IFT81: variants seen among roughly 807,000 people sequenced by gnomAD.
The protein encoded by IFT81 is intraflagellar transport protein 81 homolog.
A neutral mutation model predicts 102.6 loss-of-function variants in IFT81; 72 were observed. That is an observed-to-expected ratio of 0.70 (90% CI 0.58 to 0.85). The LOEUF (loss-of-function observed/expected upper bound fraction) is 0.85, where lower values mean the gene tolerates loss of function less well. Ranked by LOEUF, IFT81 falls within the 40% of genes least tolerant of loss-of-function variation. IFT81 has a pLI of 0.00. For missense variants in IFT81, 723 were observed against 787.3 expected (o/e 0.92, Z 0.98); for synonymous variants, 237 against 242.7 (o/e 0.98, Z 0.22).
chr12:110,197,594 ACAAAGTCT>A (rs1446608550), intron 14 of IFT81, among the ~76,000 whole-genome samples: 1 of 142,954 alleles, frequency 7.0e-6, no homozygotes, highest in African/African-American at 2.6e-5. Context: ...ACCTCACTTA[ACAAAGTCT>A]AAAGTTGTTA....
chr12:110,215,728 C>A (rs1231554392), intron 18 of IFT81, among the ~76,000 whole-genome samples: 1 of 151,790 alleles, frequency 6.6e-6, no homozygotes, highest in Non-Finnish European at 1.5e-5. Context: ...CTTATTGTCT[C>A]TGACTTTGTG....
chr12:110,207,017 A>G (rs1368947475), intron 17 of IFT81, among the ~76,000 whole-genome samples: 2 of 151,990 alleles, frequency 1.3e-5, no homozygotes, highest in Non-Finnish European at 2.9e-5. Flanking sequence ...TCATTTTCTG[A>G]TCTGTCTTCT....
At position 110,132,544 on chromosome 12, in the gene IFT81, T is replaced by C. The variant is rs747849825; in HGVS notation, c.430-3T>C. 2 of 1,294,982 alleles carry C rather than the reference T, an allele frequency of 1.5e-6. No individual in the cohort carries two copies. The highest frequency in any genetic ancestry group is 2.2e-6 in the Non-Finnish European group (2 of 914,724). 80.2% of individuals were successfully genotyped at this position (1,294,982 alleles called of 1,614,324 possible). On this transcript the variant is annotated splice_region_variant and splice_polypyrimidine_tract_variant and intron_variant, in intron 4 of 18. Transcript: ENST00000242591. ...TTTATAATTTCTTAACTTATTCTTC[T>C]AGTATGAAGAGTTAATGGAAGCCTT... is the stretch of plus-strand genomic sequence containing the variant.
At chr12:110,127,592 T>C in intron 2 of IFT81, 68 bp downstream of exon 2, 1 of 1,392,956 alleles carries the variant, frequency 7.2e-7, no homozygotes, top group Non-Finnish European at 9.6e-7. Flanking sequence ...TAGCTGTGAG[T>C]CTTGGGCACA....
chr12:110,137,435 T>A (rs181003876), intron 8 of IFT81, among the ~76,000 whole-genome samples: 101 of 152,168 alleles, frequency 6.6e-4, no homozygotes, highest in African/African-American at 2.3e-3. Flanking sequence ...TTTGTGCTTG[T>A]ATAAAGGACT....
chr12:110,179,759 T>C lies in IFT81; in HGVS notation c.1189-663T>C, dbSNP rs1221976834. Among the ~76,000 whole-genome samples, 351 of 64,880 alleles carry C rather than the reference T, an allele frequency of 5.4e-3. 10 individuals carry two copies. Among genetic ancestry groups the C allele is most frequent in the African/African-American group, 0.026 (318 of 12,304 alleles). 42.6% of individuals were successfully genotyped at this position (64,880 alleles called of 152,430 possible). On this transcript the variant is annotated intron_variant, in intron 11 of 18. Coordinates refer to ENST00000242591, the MANE Select transcript of IFT81 (RefSeq NM_014055.4). The stretch of plus-strand genomic sequence containing the variant: ...ATATATATATATATATATATATATA[T>C]ATATATATATATATACACACACACA...
chr12:110,208,993 G>A (rs1869055101), intron 17 of IFT81, among the ~76,000 whole-genome samples, 178 bp from the exon 18 acceptor site: 1 of 151,812 alleles, frequency 6.6e-6, no homozygotes, highest in Non-Finnish European at 1.5e-5. Context: ...CTATTTACTT[G>A]AAGAACTAAC....
intron 11 of IFT81, among the ~76,000 whole-genome samples, chr12:110,164,029 G>A (rs992678543): frequency 3.3e-5 from 5 of 152,078 alleles, no homozygotes; most frequent in Non-Finnish European, 7.4e-5. Context: ...ATCTATATTT[G>A]TTGGTAAATG....
intron 18 of IFT81, chr12:110,216,439 C>T (rs897646099): frequency 1.1e-5 from 5 of 450,094 alleles, no homozygotes; most frequent in Non-Finnish European, 2.2e-5. Context: ...AAGCAATCCT[C>T]CTGCCTTGGC....
In IFT81 at chr12:110,209,233, AT is replaced by A; in HGVS notation, c.1848+24del. 1.5e-6 allele frequency: 2 copies of A among 1,339,030 alleles called. No homozygotes were observed. Among genetic ancestry groups the A allele is most frequent in the South Asian group, 1.2e-5 (1 of 81,224 alleles). The allele number at this position is 1,339,030 out of a possible 1,614,324, so 82.9% of individuals were successfully genotyped here. On this transcript the variant is annotated intron_variant, in intron 18 of 18. Coordinates refer to ENST00000242591, the MANE Select transcript of IFT81 (RefSeq NM_014055.4). Reference sequence around the variant, plus strand: ...CTTGGAAAGGTAAGAATTATTATTTATTTTTTTAAATGTGTCTAACTGATTC... The same window carrying A: ...CTTGGAAAGGTAAGAATTATTATTTATTTTTTAAATGTGTCTAACTGATTC...
At chr12:110,163,614 C>CTTT (rs895090240) in intron 11 of IFT81, among the ~76,000 whole-genome samples, 7 of 126,132 alleles carry the variant, frequency 5.5e-5, no homozygotes, top group East Asian at 2.3e-4. Context: ...CAAATTTTCA[C>CTTT]TTTTTTTTTT....
chr12:110,180,887 A>C (rs7299511), intron 12 of IFT81, among the ~76,000 whole-genome samples: 102 of 152,328 alleles, frequency 6.7e-4, no homozygotes, highest in African/African-American at 2.4e-3. Flanking sequence ...TTTTTTTATC[A>C]TGGCCTGCTG....
In IFT81 at chr12:110,128,071, T is replaced by C. The variant is rs1479474232; in HGVS notation, c.170T>C (p.Met57Thr). 3 of 1,613,518 alleles carry C rather than the reference T, an allele frequency of 1.9e-6. No homozygotes were observed. The highest frequency in any genetic ancestry group is 1.7e-6 in the Non-Finnish European group (2 of 1,179,454). The change falls in exon 3 of 19, where the codon ATG (methionine) becomes ACG (threonine). Residue 57 changes from methionine to threonine, a missense_variant. By Grantham distance (81) the Met-to-Thr change is moderately conservative. Transcript: ENST00000242591. ...PKQLVDIREE[M>T]PEQTAKRMLS... ...CAACTTGTGGATATCAGAGAGGAGATGCCAGAGCAGACAGCCAAACGAATG... is the reference window on the plus strand; with the variant it reads ...CAACTTGTGGATATCAGAGAGGAGACGCCAGAGCAGACAGCCAAACGAATG...
chr12:110,187,885 A>T (rs1277834100), intron 12 of IFT81, among the ~76,000 whole-genome samples: 1 of 152,146 alleles, frequency 6.6e-6, no homozygotes, highest in African/African-American at 2.4e-5. Flanking sequence ...TCTTACTGCT[A>T]GGTTATAGAC....
chr12:110,214,473 T>C (rs1054369802), intron 18 of IFT81, among the ~76,000 whole-genome samples: 1 of 152,176 alleles, frequency 6.6e-6, no homozygotes, highest in African/African-American at 2.4e-5. Flanking sequence ...CTAAGCCCTC[T>C]AAGCCAATAT....
chr12:110,132,970 C>CTTTT (rs11349893), intron 5 of IFT81, among the ~76,000 whole-genome samples: 2 of 124,954 alleles, frequency 1.6e-5, no homozygotes, highest in Non-Finnish European at 3.3e-5. Context: ...CTTTCTCTCT[C>CTTTT]TTTTTTTTTT....
At chr12:110,152,445 T>C (rs1895593641) in intron 10 of IFT81, among the ~76,000 whole-genome samples, 1 of 152,228 alleles carries the variant, frequency 6.6e-6, no homozygotes, top group African/African-American at 2.4e-5. Context: ...CATTTGTATG[T>C]CTTTAATAAA....
chr12:110,140,970 G>A (rs1368070114), intron 8 of IFT81, among the ~76,000 whole-genome samples: 11 of 149,992 alleles, frequency 7.3e-5, no homozygotes, highest in Non-Finnish European at 1.5e-4. Context: ...CAGGTGATCC[G>A]CCCGCCTCAG....
chr12:110,190,696 G>A (rs142033222), intron 12 of IFT81, among the ~76,000 whole-genome samples: 22 of 152,120 alleles, frequency 1.4e-4, no homozygotes, highest in African/African-American at 2.7e-4. Flanking sequence ...TAAAGTCTAC[G>A]ATTAGAAATA....
Sources: gnomAD v4.1 joint callset for allele counts (sites outside exome capture counted in the v4.1 genomes callset) on GRCh38, gnomAD v4.1.1 for gene constraint, MANE v1.5 for transcripts, NCBI Gene and HGNC (gene_info 2026-07-23, HGNC 2026-07-21) for gene names.